Variants in ZNF638 observed in about 807,000 individuals in gnomAD.
The protein encoded by ZNF638 is CTCL tumor antigen se33-1.
Under a neutral mutation model 195.6 loss-of-function variants are expected in ZNF638, and 46 were observed. That is an observed-to-expected ratio of 0.24 (90% CI 0.19 to 0.30). ZNF638 has a LOEUF of 0.30. Among genes scored for constraint, ZNF638 ranks in the 10% least tolerant of loss-of-function variants. ZNF638 has a pLI of 1.00. For missense variants in ZNF638, 2,440 were observed against 2,325.3 expected (o/e 1.05, Z -1.01); for synonymous variants, 845 against 772.0 (o/e 1.09, Z -1.57).
chr2:71,374,424 G>C (rs2079380677), intron 8 of ZNF638, among the ~76,000 whole-genome samples: 1 of 152,000 alleles, frequency 6.6e-6, no homozygotes, highest in South Asian at 2.1e-4. Flanking sequence ...TGTCTTTCTT[G>C]TAGAGTTATT....
chr2:71,340,129 G>C (rs2078739438), intron 1 of ZNF638, among the ~76,000 whole-genome samples: 1 of 151,968 alleles, frequency 6.6e-6, no homozygotes, highest in African/African-American at 2.4e-5. Context: ...TGAAATCATG[G>C]TGTTTATCAA....
chr2:71,350,042 A>G lies in ZNF638; in HGVS notation c.1088A>G (p.His363Arg). ...HEPVINSSNVHVGSRGSKKNY... is the reference protein window; with the variant it reads ...HEPVINSSNVRVGSRGSKKNY... ...CCTGTGATTAATTCATCTAACGTAC[A>G]TGTTGGATCAAGAGGAAGTAAAAAG... Residue 363 changes from histidine (H) to arginine (R), a missense_variant, in exon 2 of 28, where the codon CAT becomes CGT. Around this residue, in one of 5 missense-constraint regions of ZNF638, gnomAD observed 305 missense variants for 283.6 expected, o/e 1.08. Transcript: ENST00000264447. The G allele has an allele frequency of 1.9e-6, 3 of 1,614,220 alleles. No homozygotes were observed. Among genetic ancestry groups the G allele is most frequent in the Non-Finnish European group, 2.5e-6 (3 of 1,180,046 alleles).
intron 10 of ZNF638, among the ~76,000 whole-genome samples, chr2:71,383,202 C>G (rs1363928436): frequency 1.3e-5 from 2 of 152,112 alleles, no homozygotes; most frequent in African/African-American, 4.8e-5. Context: ...GTAGTCCCAG[C>G]TACTCAGGAG....
chr2:71,396,857 GA>G (rs2079903979), intron 11 of ZNF638, among the ~76,000 whole-genome samples: 1 of 152,190 alleles, frequency 6.6e-6, no homozygotes, highest in Non-Finnish European at 1.5e-5. Context: ...TGGGGCAGGA[GA>G]ATCGCTTGAA....
At chr2:71,403,462 G>T (rs1025645477) in intron 16 of ZNF638, among the ~76,000 whole-genome samples, 94 of 152,068 alleles carry the variant, frequency 6.2e-4, no homozygotes, top group African/African-American at 2.1e-3. Context: ...CGTTTCTTTG[G>T]TTTTTTCATG....
At position 71,408,191 on chromosome 2, in the gene ZNF638, A is replaced by G; in HGVS notation, c.3205A>G (p.Asn1069Asp). The G allele has an allele frequency of 6.2e-7, 1 of 1,613,430 alleles. No individual in the cohort carries two copies. Among genetic ancestry groups the G allele is most frequent in the East Asian group, 2.2e-5 (1 of 44,760 alleles). ...MYSFLKQNPQ[N>D]IGDHMLTCSL... Reference sequence around the variant, plus strand: ...TAGCTTTCTGAAACAAAATCCACAAAATATTGGTGACCATATGTTGACCTG... The same window carrying G: ...TAGCTTTCTGAAACAAAATCCACAAGATATTGGTGACCATATGTTGACCTG... The change falls in exon 20 of 28, where the codon AAT becomes GAT. Residue 1069 changes from asparagine to aspartate, a missense_variant. Physicochemically the swap from Asn to Asp is conservative, Grantham distance 23. Around this residue, in one of 5 missense-constraint regions of ZNF638, gnomAD observed 1,883 missense variants for 1,739.1 expected, o/e 1.08. Transcript: ENST00000264447.
intron 1 of ZNF638, chr2:71,348,342 TTTCA>T: frequency 1.1e-6 from 1 of 924,138 alleles, no homozygotes; most frequent in Non-Finnish European, 1.3e-6. Context: ...CAGTTCTTAC[TTTCA>T]TTATTTGTAT....
At chr2:71,388,163 CT>C in intron 10 of ZNF638, among the ~76,000 whole-genome samples, 1 of 152,230 alleles carries the variant, frequency 6.6e-6, no homozygotes, top group African/African-American at 2.4e-5. Context: ...CTTGGAAGTC[CT>C]GGGAGGTTTT....
chr2:71,376,986 T>G (rs1055282629), intron 8 of ZNF638, among the ~76,000 whole-genome samples: 1 of 152,176 alleles, frequency 6.6e-6, no homozygotes, highest in African/African-American at 2.4e-5. Flanking sequence ...CTTTAAAGTA[T>G]CAGGAGCCCA....
At chr2:71,393,646 G>GT (rs1300813689) in intron 10 of ZNF638, 1 of 717,778 alleles carries the variant, frequency 1.4e-6, no homozygotes, top group Non-Finnish European at 2.6e-6. Flanking sequence ...GCTCTCTGGT[G>GT]TAAGTTACAA....
rs750256713 is a variant in ZNF638, at chr2:71,349,889, A to G, written c.935A>G (p.Asn312Ser). The change falls in exon 2 of 28, where the codon AAC (asparagine) becomes AGC (serine). Residue 312 changes from asparagine to serine, a missense_variant. By Grantham distance (46) the Asn-to-Ser change is conservative (BLOSUM62 1). Around this residue, in one of 5 missense-constraint regions of ZNF638, gnomAD observed 305 missense variants for 283.6 expected, o/e 1.08. Coordinates refer to ENST00000264447, the MANE Select transcript of ZNF638 (RefSeq NM_014497.5). ...QSVLEPIKSV[N>S]QSINQTVSQT... ...GTCCTTGAACCCATAAAATCCGTCAACCAATCCATTAACCAAACAGTTAGC... is the reference window on the plus strand; with the variant it reads ...GTCCTTGAACCCATAAAATCCGTCAGCCAATCCATTAACCAAACAGTTAGC... 357 of 1,614,242 alleles carry G rather than the reference A, an allele frequency of 2.2e-4. No homozygotes were observed. Among genetic ancestry groups the G allele is most frequent in the Admixed American group, 2.8e-4 (17 of 60,020 alleles).
At chr2:71,389,123 T>C (rs192482760) in intron 10 of ZNF638, among the ~76,000 whole-genome samples, 1 of 152,016 alleles carries the variant, frequency 6.6e-6, no homozygotes, top group African/African-American at 2.4e-5. Context: ...TACCGCCGCC[T>C]CCTCTTCCCT....
intron 21 of ZNF638, among the ~76,000 whole-genome samples, chr2:71,419,022 G>T (rs149414700): frequency 6.6e-6 from 1 of 151,934 alleles, no homozygotes; most frequent in South Asian, 2.1e-4. Context: ...ACCTTTTAAC[G>T]TTACTTAATT....
At chr2:71,334,245 T>C (rs1049066609) in intron 1 of ZNF638, among the ~76,000 whole-genome samples, 4 of 152,210 alleles carry the variant, frequency 2.6e-5, no homozygotes, top group Non-Finnish European at 5.9e-5. Flanking sequence ...TACCTTAATG[T>C]ATACTGATTA....
At chr2:71,334,891 A>G (rs2078638503) in intron 1 of ZNF638, among the ~76,000 whole-genome samples, 1 of 151,772 alleles carries the variant, frequency 6.6e-6, no homozygotes, top group Non-Finnish European at 1.5e-5. Context: ...ACTGCACTCC[A>G]GCCTGGGCGA....
rs1176720461 is a variant in ZNF638, at chr2:71,431,416, G to A, written c.5740G>A (p.Asp1914Asn). The A allele has an allele frequency of 1.9e-6, 3 of 1,613,750 alleles. No homozygotes were observed. In the Admixed American group the frequency reaches 5.0e-5, roughly 27 times the overall value. Residue 1914 changes from aspartate (D) to asparagine (N), a missense_variant, in exon 26 of 28, where the codon GAT becomes AAT. Around this residue, in one of 5 missense-constraint regions of ZNF638, gnomAD observed 1,883 missense variants for 1,739.1 expected, o/e 1.08. Coordinates refer to ENST00000264447, the MANE Select transcript of ZNF638 (RefSeq NM_014497.5). The stretch of plus-strand genomic sequence containing the variant: ...TTCTTCAGGCAAATCAGTGGCGTCT[G>A]ATGTCCCTGAGGGTAAAGTTAAAAT... The part of the protein sequence containing the change: ...DSSSGKSVAS[D>N]VPEELDFLVP...
At chr2:71,400,639 G>A (rs1308910617) in intron 15 of ZNF638, 121 bp downstream of exon 15, 2 of 779,162 alleles carry the variant, frequency 2.6e-6, no homozygotes, top group Middle Eastern at 3.3e-4. Flanking sequence ...CCAGTCATTT[G>A]TGACTTTTAA....
At chr2:71,384,715 C>CT (rs2079603578) in intron 10 of ZNF638, among the ~76,000 whole-genome samples, 2 of 152,180 alleles carry the variant, frequency 1.3e-5, no homozygotes, top group South Asian at 4.2e-4. Flanking sequence ...TGGCTTTTCT[C>CT]TTTTTTAGAA....
At chr2:71,418,561 C>T in intron 20 of ZNF638, 41 bp from the exon 21 acceptor site, 1 of 1,339,560 alleles carries the variant, frequency 7.5e-7, no homozygotes. Context: ...TATTTCAAAT[C>T]CAGTGGAATA....
Sources: allele counts gnomAD v4.1 joint callset (sites outside exome capture counted in the v4.1 genomes callset), GRCh38; gene constraint gnomAD v4.1.1; regional missense constraint gnomAD v4.1.1; transcripts MANE v1.5; gene names NCBI Gene and HGNC (gene_info 2026-07-23, HGNC 2026-07-21).